The following DHRSX variants were observed in gnomAD, a reference collection of about 807,000 sequenced individuals.
DHRSX encodes the protein dehydrogenase/reductase X-linked, also known as polyprenol dehydrogenase.
DHRSX carries 31 observed loss-of-function variants against 34.0 expected under a neutral mutation model. The ratio of observed to expected loss-of-function variants is 0.91; its 90% CI spans 0.69 to 1.23. The LOEUF is 1.23. Among genes scored for constraint, DHRSX ranks in the 50% most tolerant of loss-of-function variants. The pLI is 0.00. For missense variants in DHRSX, 414 were observed against 428.1 expected (o/e 0.97, Z 0.29); for synonymous variants, 201 against 183.8 (o/e 1.09, Z -0.76).
intron 3 of DHRSX, among the ~76,000 whole-genome samples, chrX:2,396,719 C>T (rs1326578578): frequency 6.6e-6 from 1 of 151,398 alleles, no homozygotes; most frequent in Non-Finnish European, 1.5e-5. Flanking sequence ...AGTTGATGGC[C>T]GCATCACTCC....
intron 3 of DHRSX, among the ~76,000 whole-genome samples, chrX:2,406,637 C>T (rs2043559052): frequency 6.6e-6 from 1 of 151,888 alleles, no homozygotes; most frequent in Admixed American, 6.6e-5. Flanking sequence ...CTCGAGGTTT[C>T]ACCATGTTAG....
At chrX:2,257,011 G>A (rs772223805) in intron 5 of DHRSX, among the ~76,000 whole-genome samples, 1 of 152,218 alleles carries the variant, frequency 6.6e-6, no homozygotes, top group Non-Finnish European at 1.5e-5. Flanking sequence ...GTGCAGTGGT[G>A]CGATCTTGGC....
intron 1 of DHRSX, among the ~76,000 whole-genome samples, chrX:2,456,964 T>C (rs913626200): frequency 6.6e-6 from 1 of 151,060 alleles, no homozygotes. Context: ...AAGGAATGAA[T>C]GGGGTCAGGA....
chrX:2,347,407 T>C (rs2042733815), intron 3 of DHRSX, among the ~76,000 whole-genome samples: 1 of 152,114 alleles, frequency 6.6e-6, no homozygotes, highest in Non-Finnish European at 1.5e-5. Context: ...CAAGATGAGA[T>C]TTGGGGCCGG....
chrX:2,241,666 T>C (rs2016143585), intron 6 of DHRSX, among the ~76,000 whole-genome samples: 1 of 151,988 alleles, frequency 6.6e-6, no homozygotes, highest in Non-Finnish European at 1.5e-5. Flanking sequence ...CCCAGCACTT[T>C]GGGAGCCCGA....
At chrX:2,316,814 A>G (rs1398249550) in intron 3 of DHRSX, among the ~76,000 whole-genome samples, 1 of 152,202 alleles carries the variant, frequency 6.6e-6, no homozygotes, top group African/African-American at 2.4e-5. Context: ...AACTTCAGGC[A>G]TAAATGGATT....
intron 1 of DHRSX, among the ~76,000 whole-genome samples, chrX:2,482,144 T>TTTTA (rs2044783586): frequency 1.3e-5 from 2 of 149,852 alleles, no homozygotes; most frequent in Non-Finnish European, 1.5e-5. Context: ...TTTTTTTTTT[T>TTTTA]AGAGACAGCA....
At chrX:2,365,068 T>C (rs1423016105) in intron 3 of DHRSX, among the ~76,000 whole-genome samples, 1 of 152,172 alleles carries the variant, frequency 6.6e-6, no homozygotes, top group Non-Finnish European at 1.5e-5. Context: ...ATTGGGGTAA[T>C]AACAATGCCT....
chrX:2,368,921 G>A (rs779065805), intron 3 of DHRSX, among the ~76,000 whole-genome samples: 4 of 152,208 alleles, frequency 2.6e-5, no homozygotes, highest in Non-Finnish European at 5.9e-5. Context: ...CAGCCTGGGC[G>A]AAAGAGCAAG....
chrX:2,444,892 C>T (rs917753082), intron 1 of DHRSX, among the ~76,000 whole-genome samples: 1 of 151,990 alleles, frequency 6.6e-6, no homozygotes, highest in Non-Finnish European at 1.5e-5. Context: ...CGGAGTAGCT[C>T]ACACCTGTAA....
chrX:2,349,979 C>T (rs1255772678), intron 3 of DHRSX, among the ~76,000 whole-genome samples: 1 of 151,584 alleles, frequency 6.6e-6, no homozygotes, highest in Non-Finnish European at 1.5e-5. Flanking sequence ...GTGGAGCTTG[C>T]AGTAAGCCGA....
At chrX:2,271,885 T>C (rs962153170) in intron 4 of DHRSX, among the ~76,000 whole-genome samples, 1 of 151,734 alleles carries the variant, frequency 6.6e-6, no homozygotes, top group Non-Finnish European at 1.5e-5. Flanking sequence ...CTACTAAAAA[T>C]ACAAAATTAG....
intron 6 of DHRSX, among the ~76,000 whole-genome samples, chrX:2,230,736 G>A (rs1229493348): frequency 6.6e-6 from 1 of 152,180 alleles, no homozygotes; most frequent in African/African-American, 2.4e-5. Context: ...AATCCTGCCT[G>A]AGTGTCCAGC....
chrX:2,467,834 C>A (rs1192225409), intron 1 of DHRSX, among the ~76,000 whole-genome samples: 14 of 151,806 alleles, frequency 9.2e-5, no homozygotes, highest in Non-Finnish European at 2.1e-4. Flanking sequence ...ATTAGCCAGG[C>A]ATGGTGGTGC....
intron 3 of DHRSX, among the ~76,000 whole-genome samples, chrX:2,338,358 AG>A (rs2042596726): frequency 6.6e-6 from 1 of 151,530 alleles, no homozygotes; most frequent in Non-Finnish European, 1.5e-5. Flanking sequence ...AAATAGAAAA[AG>A]GAAGTCACAC....
intron 1 of DHRSX, among the ~76,000 whole-genome samples, chrX:2,452,511 C>T (rs1246186131): frequency 6.6e-6 from 1 of 152,032 alleles, no homozygotes; most frequent in Non-Finnish European, 1.5e-5. Context: ...AAGGGACCTC[C>T]GCCATGTACA....
chrX:2,380,007 A>C (rs1351250947), intron 3 of DHRSX, among the ~76,000 whole-genome samples: 1 of 152,000 alleles, frequency 6.6e-6, no homozygotes, highest in Non-Finnish European at 1.5e-5. Flanking sequence ...CTGCTAAAAG[A>C]TTGCATTGGC....
At chrX:2,413,056 A>G (rs5939076) in intron 2 of DHRSX, among the ~76,000 whole-genome samples, 142,712 of 152,138 alleles carry the variant, frequency 0.94, 67,042 homozygotes, top group East Asian at 1. Context: ...TTAGCCGGGT[A>G]CGGTGGCATG....
intron 2 of DHRSX, 32 bp downstream of exon 2, chrX:2,425,165 C>G: frequency 6.6e-7 from 1 of 1,506,774 alleles, no homozygotes; most frequent in Non-Finnish European, 9.0e-7. Context: ...ACCGAAAAAA[C>G]AAAAAACACA....
Sources: gnomAD v4.1 joint callset for allele counts (sites outside exome capture counted in the v4.1 genomes callset) on GRCh38, gnomAD v4.1.1 for gene constraint, MANE v1.5 for transcripts, NCBI Gene and HGNC (gene_info 2026-07-23, HGNC 2026-07-21) for gene names.